Variants in CHST9 observed in about 807,000 individuals in gnomAD.
CHST9 encodes the protein carbohydrate sulfotransferase 9.
A neutral mutation model predicts 44.4 loss-of-function variants in CHST9; 41 were observed. The observed-to-expected ratio is 0.92, with a 90% CI of 0.72 to 1.20. The LOEUF is 1.20. CHST9 is among the 50% of genes most tolerant of loss of function. CHST9 has a pLI of 0.00. For synonymous variants in CHST9, 171 were observed against 178.4 expected, an observed-to-expected ratio of 0.96 and a Z score of 0.33; for missense variants, 504 against 516.5, an observed-to-expected ratio of 0.98 and a Z score of 0.23.
intron 2 of CHST9, among the ~76,000 whole-genome samples, chr18:27,137,784 G>A (rs11083198): frequency 0.015 from 2,318 of 152,170 alleles, 62 homozygotes; most frequent in African/African-American, 0.052. Context: ...CGGCACATAC[G>A]AAACAGTTAT....
At chr18:27,134,147 GT>G (rs1381122274) in intron 2 of CHST9, among the ~76,000 whole-genome samples, 2 of 152,110 alleles carry the variant, frequency 1.3e-5, no homozygotes, top group African/African-American at 2.4e-5. Context: ...GAACGGCCTG[GT>G]TTTTGAAGGA....
At position 26,908,110 on chromosome 18, in the gene CHST9, T is replaced by G. The variant is rs2055392651; in HGVS notation, c.*8149A>C. ...ATGCTTGCACAACTACACTAAATGC[T>G]GCTGAACTGTACACTTAAAAAATGG... On this transcript the variant is annotated 3_prime_UTR_variant, in exon 6 of 6. Transcript: ENST00000618847. The G allele has an allele frequency of 6.6e-6, 1 of 152,542 alleles. No individual in the cohort carries two copies. The highest frequency in any genetic ancestry group is 1.5e-5 in the Non-Finnish European group (1 of 68,306). 9.4% of individuals were successfully genotyped at this position (152,542 alleles called of 1,614,324 possible).
chr18:26,959,786 AT>A (rs958005742), intron 4 of CHST9, among the ~76,000 whole-genome samples: 2 of 152,150 alleles, frequency 1.3e-5, no homozygotes, highest in Admixed American at 1.3e-4. Flanking sequence ...TTGACATAAT[AT>A]TTGTTGAGGG....
intron 2 of CHST9, among the ~76,000 whole-genome samples, chr18:27,116,785 T>C (rs894277514): frequency 1.3e-5 from 2 of 152,208 alleles, no homozygotes; most frequent in African/African-American, 2.4e-5. Flanking sequence ...TAATGTTTTA[T>C]AGCTTGAGTG....
At chr18:27,003,215 T>C (rs1337337417) in intron 4 of CHST9, among the ~76,000 whole-genome samples, 1 of 152,188 alleles carries the variant, frequency 6.6e-6, no homozygotes, top group Non-Finnish European at 1.5e-5. Context: ...ATCTGCATAA[T>C]AATTATCCTA....
At chr18:27,174,638 T>C (rs1198142748) in intron 1 of CHST9, among the ~76,000 whole-genome samples, 1 of 151,964 alleles carries the variant, frequency 6.6e-6, no homozygotes, top group Non-Finnish European at 1.5e-5. Flanking sequence ...TTATTATTCT[T>C]GTTATGGTGG....
intron 4 of CHST9, among the ~76,000 whole-genome samples, chr18:27,015,868 A>T (rs780512115): frequency 6.6e-6 from 1 of 152,170 alleles, no homozygotes; most frequent in African/African-American, 2.4e-5. Flanking sequence ...CAAGGTCTCA[A>T]TCTAAGTCCT....
intron 5 of CHST9, chr18:26,936,059 A>T (rs895289254): frequency 6.6e-6 from 1 of 152,162 alleles, no homozygotes; most frequent in African/African-American, 2.4e-5. Context: ...CCTCTGCAAA[A>T]TGCAGACATA....
At chr18:27,130,797 A>G (rs2058464714) in intron 2 of CHST9, among the ~76,000 whole-genome samples, 1 of 152,230 alleles carries the variant, frequency 6.6e-6, no homozygotes, top group South Asian at 2.1e-4. Context: ...ATATATATCA[A>G]TGCAAATAAA....
At chr18:26,977,199 G>A (rs866306293) in intron 4 of CHST9, among the ~76,000 whole-genome samples, 1 of 151,744 alleles carries the variant, frequency 6.6e-6, no homozygotes, top group Non-Finnish European at 1.5e-5. Flanking sequence ...AATTTGTACC[G>A]ATGCTTAAAA....
At chr18:27,163,898 G>C (rs569598092) in intron 1 of CHST9, among the ~76,000 whole-genome samples, 1 of 152,296 alleles carries the variant, frequency 6.6e-6, no homozygotes, top group Non-Finnish European at 1.5e-5. Flanking sequence ...CCCGTCTTCT[G>C]TGTTGCTCAT....
chr18:27,152,300 T>C (rs893987886), intron 1 of CHST9, among the ~76,000 whole-genome samples: 5 of 152,160 alleles, frequency 3.3e-5, no homozygotes, highest in East Asian at 3.9e-4. Context: ...GAAGAAAAAG[T>C]TTTAAACTCA....
chr18:27,015,123 G>T (rs1330373100), intron 4 of CHST9, among the ~76,000 whole-genome samples: 1 of 152,094 alleles, frequency 6.6e-6, no homozygotes, highest in Non-Finnish European at 1.5e-5. Context: ...TGATCCCAAA[G>T]CTCAAAAAAG....
rs937746893 is a variant in CHST9, at chr18:26,911,689, T to C, written c.*4570A>G. On this transcript the variant is annotated 3_prime_UTR_variant, in exon 6 of 6. Coordinates refer to ENST00000618847, the MANE Select transcript of CHST9 (RefSeq NM_031422.6). Reference sequence around the variant, plus strand: ...TTAAATACTTTTGCCTGGAAGCATATGATCCTGGTGAAAAACTAAGATGTG... The same window carrying C: ...TTAAATACTTTTGCCTGGAAGCATACGATCCTGGTGAAAAACTAAGATGTG... 4 of 152,190 alleles carry C rather than the reference T, an allele frequency of 2.6e-5. No homozygotes were observed. The highest frequency in any genetic ancestry group is 5.9e-5 in the Non-Finnish European group (4 of 68,038). The allele number at this position is 152,190 out of a possible 1,614,324, so 9.4% of individuals were successfully genotyped here. A position where few individuals can be genotyped will look rare whatever the true frequency, so the allele number is the denominator to read the frequency against.
chr18:26,971,019 C>T (rs1273417840), intron 4 of CHST9, among the ~76,000 whole-genome samples: 2 of 152,180 alleles, frequency 1.3e-5, no homozygotes, highest in Admixed American at 1.3e-4. Context: ...CCTTCTCTCA[C>T]CAGCCTCATC....
intron 2 of CHST9, among the ~76,000 whole-genome samples, chr18:27,050,505 AG>A (rs2057553415): frequency 6.6e-6 from 1 of 152,194 alleles, no homozygotes; most frequent in African/African-American, 2.4e-5. Context: ...CTTTTCTAAC[AG>A]CCCTTCGAGT....
intron 3 of CHST9, among the ~76,000 whole-genome samples, chr18:27,047,724 T>C (rs1214419692): frequency 1.3e-5 from 2 of 152,042 alleles, no homozygotes; most frequent in African/African-American, 2.4e-5. Context: ...AGTGGGTTGG[T>C]AGAAACTTGG....
At chr18:27,166,246 T>C (rs920916631) in intron 1 of CHST9, among the ~76,000 whole-genome samples, 2 of 152,192 alleles carry the variant, frequency 1.3e-5, no homozygotes, top group African/African-American at 4.8e-5. Flanking sequence ...ATTTGTATAT[T>C]CCACCATTTC....
At chr18:27,057,478 C>T (rs1038584404) in intron 2 of CHST9, among the ~76,000 whole-genome samples, 1 of 152,188 alleles carries the variant, frequency 6.6e-6, no homozygotes, top group Non-Finnish European at 1.5e-5. Context: ...TGAGGATAGC[C>T]TCTATATGGC....
Sources: allele counts gnomAD v4.1 joint callset (sites outside exome capture counted in the v4.1 genomes callset), GRCh38; gene constraint gnomAD v4.1.1; transcripts MANE v1.5; gene names NCBI Gene and HGNC (gene_info 2026-07-23, HGNC 2026-07-21).